Variants in CHMP3 observed in about 807,000 individuals in gnomAD.
The protein encoded by CHMP3 is 25.1 protein.
CHMP3 carries 8 observed loss-of-function variants against 27.4 expected under a neutral mutation model. The observed-to-expected ratio is 0.29, with a 90% confidence interval of 0.17 to 0.53. CHMP3 has a LOEUF of 0.53. Among genes scored for constraint, CHMP3 ranks in the 20% least tolerant of loss-of-function variants. The probability of loss-of-function intolerance (pLI) is 0.96; values close to 1 mark genes in which losing one functional copy is unlikely to be tolerated. For synonymous variants in CHMP3, 86 were observed against 85.5 expected (o/e 1.01, Z -0.03); for missense variants, 208 against 271.5 (o/e 0.77, Z 1.64).
intron 4 of CHMP3, 84 bp downstream of exon 4, chr2:86,510,274 A>AAAAAC: frequency 1.5e-6 from 1 of 664,026 alleles, no homozygotes; most frequent in Non-Finnish European, 2.6e-6. Context: ...GTTCATCCCC[A>AAAAAC]CCCACCCTCA....
At chr2:86,531,822 T>C (rs549358340) in intron 2 of CHMP3, among the ~76,000 whole-genome samples, 14 of 152,380 alleles carry the variant, frequency 9.2e-5, no homozygotes, top group African/African-American at 3.4e-4. Flanking sequence ...TTCGTTTATA[T>C]GTCTTTATGT....
chr2:86,510,620 TG>T, intron 3 of CHMP3, 141 bp from the exon 4 acceptor site: 1 of 1,193,704 alleles, frequency 8.4e-7, no homozygotes, highest in Non-Finnish European at 1.2e-6. Context: ...TTAATTACTG[TG>T]CTAGTTGACC....
At chr2:86,515,561 T>G (rs1675269582) in intron 3 of CHMP3, among the ~76,000 whole-genome samples, 1 of 152,082 alleles carries the variant, frequency 6.6e-6, no homozygotes, top group African/African-American at 2.4e-5. Flanking sequence ...CCTCAGGTGA[T>G]CCACCCGCCT....
chr2:86,557,361 CCCATTG>C (rs1447004521), intron 1 of CHMP3, among the ~76,000 whole-genome samples: 1 of 152,190 alleles, frequency 6.6e-6, no homozygotes, highest in African/African-American at 2.4e-5. Flanking sequence ...CCTCTCCATT[CCCATTG>C]CCATTCTAAG....
At chr2:86,533,771 T>C (rs1353055624) in intron 2 of CHMP3, among the ~76,000 whole-genome samples, 1 of 454 alleles carries the variant, frequency 2.2e-3, no homozygotes, top group African/African-American at 0.014. Flanking sequence ...TCCCAAAGTG[T>C]TGGGATTAAG....
At chr2:86,552,520 G>A (rs561582646) in intron 1 of CHMP3, among the ~76,000 whole-genome samples, 28 of 152,314 alleles carry the variant, frequency 1.8e-4, no homozygotes, top group African/African-American at 6.7e-4. Context: ...ATGTGTCTAA[G>A]TGAAGGATTA....
intron 3 of CHMP3, among the ~76,000 whole-genome samples, chr2:86,516,555 G>C (rs1026012865): frequency 6.6e-5 from 10 of 152,354 alleles, no homozygotes; most frequent in Middle Eastern, 3.4e-3. Context: ...ACATTGGCTG[G>C]TGGGAATTTA....
rs1482050943 is a variant in CHMP3, at chr2:86,503,849, C to G, written c.*1955G>C. On this transcript the variant is annotated 3_prime_UTR_variant, in exon 6 of 6. Transcript: ENST00000263856. ...TATCCTTAACAAACTAACATAGGAA[C>G]AGGAAACCAAATATTCCATGTTCTC... 3 of 152,136 alleles carry G rather than the reference C, an allele frequency of 2.0e-5. No individual in the cohort carries two copies. Among genetic ancestry groups the G allele is most frequent in the African/African-American group, 7.2e-5 (3 of 41,412 alleles). 9.4% of individuals were successfully genotyped at this position (152,136 alleles called of 1,614,324 possible).
At chr2:86,542,439 A>G in intron 1 of CHMP3, 127 bp from the exon 2 acceptor site, 1 of 926,152 alleles carries the variant, frequency 1.1e-6, no homozygotes, top group Non-Finnish European at 1.7e-6. Flanking sequence ...TTTCAAAGAC[A>G]GAGCTTTAGG....
At position 86,505,765 on chromosome 2, in the gene CHMP3, TGAGAG is replaced by T. The variant is rs766101389; in HGVS notation, c.*34_*38del. The stretch of plus-strand genomic sequence containing the variant: ...AAGAGACACATAAAATGGCAGCTCT[TGAGAG>T]GAGTGTGTGCACACCCAGCGGGGTA... On this transcript the variant is annotated 3_prime_UTR_variant, in exon 6 of 6. Coordinates refer to ENST00000263856, the MANE Select transcript of CHMP3 (RefSeq NM_016079.4). 83 of 1,490,766 alleles carry T rather than the reference TGAGAG, an allele frequency of 5.6e-5. No homozygotes were observed. In the African/African-American group the frequency reaches 9.9e-4, roughly 18 times the overall value. The allele number at this position is 1,490,766 out of a possible 1,614,324, so 92.3% of individuals were successfully genotyped here. A position where few individuals can be genotyped will look rare whatever the true frequency, so the allele number is the denominator to read the frequency against.
rs377419234 is a variant in CHMP3, at chr2:86,529,445, T to C, written c.107-48A>G. 47 of 1,505,884 alleles carry C rather than the reference T, an allele frequency of 3.1e-5. No individual in the cohort carries two copies. The African/African-American group carries it at 6.5e-4, about 21-fold the overall frequency. The allele number at this position is 1,505,884 out of a possible 1,614,324, so 93.3% of individuals were successfully genotyped here. A position where few individuals can be genotyped will look rare whatever the true frequency, so the allele number is the denominator to read the frequency against. ...AAAATCAAGGGTAAGTCAGGTTTAT[T>C]GGCACTCAAATACATTCTTATTGTG... On this transcript the variant is annotated intron_variant, in intron 2 of 5. Coordinates refer to ENST00000263856, the MANE Select transcript of CHMP3 (RefSeq NM_016079.4).
chr2:86,508,759 T>C (rs1175105088), intron 4 of CHMP3, among the ~76,000 whole-genome samples: 1 of 152,210 alleles, frequency 6.6e-6, no homozygotes, highest in Non-Finnish European at 1.5e-5. Context: ...CACCCTATTC[T>C]GCCCATCCTC....
At chr2:86,509,259 T>C (rs1047387051) in intron 4 of CHMP3, among the ~76,000 whole-genome samples, 2 of 152,106 alleles carry the variant, frequency 1.3e-5, no homozygotes, top group Admixed American at 6.5e-5. Flanking sequence ...CCAAGAATGA[T>C]CTTCTTATCT....
At chr2:86,531,417 GTGGCTATTCACAGGCATGA>G (rs1675913167) in intron 2 of CHMP3, among the ~76,000 whole-genome samples, 1 of 152,076 alleles carries the variant, frequency 6.6e-6, no homozygotes, top group South Asian at 2.1e-4. Context: ...GTGTAGTGCA[GTGGCTATTCACAGGCATGA>G]TTATAGCACA....
At chr2:86,535,157 G>C (rs1046183836) in intron 2 of CHMP3, among the ~76,000 whole-genome samples, 8 of 151,628 alleles carry the variant, frequency 5.3e-5, no homozygotes, top group Admixed American at 2.6e-4. Flanking sequence ...TTGGCAGGCT[G>C]AGATGGGAGG....
intron 1 of CHMP3, among the ~76,000 whole-genome samples, chr2:86,558,352 A>G (rs1319246370): frequency 2.0e-5 from 3 of 152,222 alleles, no homozygotes; most frequent in Non-Finnish European, 4.4e-5. Flanking sequence ...GTGCAGGGGC[A>G]AAGATTTTAG....
At chr2:86,557,765 C>T (rs749632388) in intron 1 of CHMP3, among the ~76,000 whole-genome samples, 13 of 152,094 alleles carry the variant, frequency 8.5e-5, no homozygotes, top group African/African-American at 1.4e-4. Context: ...GACCAGCTTC[C>T]GTTCCCCATT....
intron 3 of CHMP3, among the ~76,000 whole-genome samples, chr2:86,524,171 G>A (rs1476826299): frequency 6.6e-6 from 1 of 152,142 alleles, no homozygotes; most frequent in Non-Finnish European, 1.5e-5. Context: ...CAATAACTAA[G>A]ACTGTTTGCT....
At chr2:86,546,998 G>T (rs1351132892) in intron 1 of CHMP3, among the ~76,000 whole-genome samples, 1 of 152,146 alleles carries the variant, frequency 6.6e-6, no homozygotes, top group African/African-American at 2.4e-5. Flanking sequence ...TTTATCTAAA[G>T]AATGTGTTTT....
Sources: gnomAD v4.1 joint callset for allele counts (sites outside exome capture counted in the v4.1 genomes callset) on GRCh38, gnomAD v4.1.1 for gene constraint, MANE v1.5 for transcripts, NCBI Gene and HGNC (gene_info 2026-07-23, HGNC 2026-07-21) for gene names.